The following NUP93 variants were observed in gnomAD, a reference collection of about 807,000 sequenced individuals.
The protein encoded by NUP93 is nucleoporin 93.
In NUP93, 55 loss-of-function variants were observed where a neutral mutation model predicts 107.8. The ratio of observed to expected loss-of-function variants is 0.51; its 90% CI spans 0.41 to 0.64. The LOEUF (loss-of-function observed/expected upper bound fraction) is 0.64, where lower values mean the gene tolerates loss of function less well. Among genes scored for constraint, NUP93 ranks in the 30% least tolerant of loss-of-function variants. The probability of loss-of-function intolerance (pLI) is 0.00; values close to 1 mark genes in which losing one functional copy is unlikely to be tolerated. For synonymous variants in NUP93, 390 were observed against 397.5 expected, an observed-to-expected ratio of 0.98 and a Z score of 0.22; for missense variants, 937 against 1,044.7, an observed-to-expected ratio of 0.90 and a Z score of 1.42.
At chr16:56,818,417 T>C (rs554324594) in intron 5 of NUP93, among the ~76,000 whole-genome samples, 19 of 152,316 alleles carry the variant, frequency 1.2e-4, no homozygotes, top group African/African-American at 4.6e-4. Flanking sequence ...GAGGTATTGA[T>C]AGGGTTTATG....
intron 10 of NUP93, 80 bp downstream of exon 10, chr16:56,830,765 C>T (rs1338035223): frequency 3.8e-6 from 5 of 1,312,740 alleles, no homozygotes; most frequent in Non-Finnish European, 5.0e-6. Flanking sequence ...ATTCTCTTTT[C>T]CCTGGACGGG....
At chr16:56,808,230 A>T (rs1388289521) in intron 5 of NUP93, among the ~76,000 whole-genome samples, 157 of 59,264 alleles carry the variant, frequency 2.6e-3, no homozygotes, top group African/African-American at 9.2e-3. Flanking sequence ...ACTATATAAA[A>T]TATATAGTTA....
chr16:56,818,384 G>A (rs1963476218), intron 5 of NUP93, among the ~76,000 whole-genome samples: 1 of 152,208 alleles, frequency 6.6e-6, no homozygotes, highest in African/African-American at 2.4e-5. Context: ...TTGGAAAGAT[G>A]TACATTTCCA....
At chr16:56,746,522 C>T (rs1961822972) in intron 1 of NUP93, among the ~76,000 whole-genome samples, 1 of 152,222 alleles carries the variant, frequency 6.6e-6, no homozygotes, top group Non-Finnish European at 1.5e-5. Context: ...CAGCTTGGAA[C>T]TTCATAAAGA....
chr16:56,766,611 C>T (rs1486373140), intron 3 of NUP93, among the ~76,000 whole-genome samples: 1 of 152,218 alleles, frequency 6.6e-6, no homozygotes, highest in Admixed American at 6.5e-5. Flanking sequence ...TCTCAGATGG[C>T]AGCCCTTTAC....
intron 3 of NUP93, among the ~76,000 whole-genome samples, chr16:56,783,031 T>G (rs1054763001): frequency 1.3e-5 from 2 of 152,340 alleles, no homozygotes; most frequent in Admixed American, 1.3e-4. Context: ...GGTGATAGAA[T>G]TATAAATCTT....
At chr16:56,818,793 G>A (rs181270920) in intron 6 of NUP93, 55 bp downstream of exon 6, 433 of 1,435,772 alleles carry the variant, frequency 3.0e-4, no homozygotes, top group Admixed American at 1.7e-3. Flanking sequence ...GAACCTCTAG[G>A]GAGTAAAAGG....
intron 5 of NUP93, among the ~76,000 whole-genome samples, chr16:56,811,761 G>C (rs1963320590): frequency 6.6e-6 from 1 of 152,184 alleles, no homozygotes; most frequent in African/African-American, 2.4e-5. Context: ...GTGAGCCACT[G>C]CGTCTGGCCA....
intron 3 of NUP93, among the ~76,000 whole-genome samples, chr16:56,772,651 A>G (rs1320058859): frequency 6.6e-6 from 1 of 152,162 alleles, no homozygotes; most frequent in African/African-American, 2.4e-5. Context: ...CCACTGCCCT[A>G]CATACTCTCC....
chr16:56,823,825 C>CCTTGG lies in NUP93; in HGVS notation c.775_779dup (p.Tyr261TrpfsTer14). The CCTTGG allele has an allele frequency of 6.2e-7, 1 of 1,613,986 alleles. No homozygotes were observed. Among genetic ancestry groups the CCTTGG allele is most frequent in the Non-Finnish European group, 8.5e-7 (1 of 1,180,006 alleles). On this transcript the variant is annotated frameshift_variant, in exon 8 of 22. Coordinates refer to ENST00000308159, the MANE Select transcript of NUP93 (RefSeq NM_014669.5). LOFTEE classifies it high-confidence loss of function. The stretch of plus-strand genomic sequence containing the variant: ...GTGCGCATGGAGTTTGTCAGGCAGG[C>CCTTGG]CTTGGCGTACCTTGAGCAGAGGTAA...
At chr16:56,753,894 G>A (rs992008944) in intron 2 of NUP93, among the ~76,000 whole-genome samples, 1 of 152,106 alleles carries the variant, frequency 6.6e-6, no homozygotes, top group African/African-American at 2.4e-5. Context: ...AATAGGTAGG[G>A]ATGTAGATGA....
intron 7 of NUP93, among the ~76,000 whole-genome samples, 155 bp downstream of exon 7, chr16:56,821,748 G>T (rs1368551620): frequency 6.6e-6 from 1 of 152,018 alleles, no homozygotes; most frequent in Non-Finnish European, 1.5e-5. Flanking sequence ...AACTTTGGGT[G>T]GTTTTCTTGA....
intron 5 of NUP93, among the ~76,000 whole-genome samples, chr16:56,805,988 G>A (rs781696943): frequency 1.2e-4 from 18 of 150,750 alleles, no homozygotes; most frequent in African/African-American, 2.4e-5. Flanking sequence ...TCAGATTTAC[G>A]CCTGCAGCCT....
At chr16:56,839,106 T>C (rs758572431) in intron 19 of NUP93, 37 bp downstream of exon 19, 3 of 1,409,266 alleles carry the variant, frequency 2.1e-6, no homozygotes, top group African/African-American at 1.4e-5. Flanking sequence ...TGCAGGTTAA[T>C]GTACACCCTC....
chr16:56,838,811 C>G, intron 18 of NUP93, 141 bp from the exon 19 acceptor site: 1 of 668,944 alleles, frequency 1.5e-6, no homozygotes, highest in Non-Finnish European at 2.7e-6. Context: ...GCAATCCTTC[C>G]GCCCCAGCCT....
chr16:56,795,765 G>A (rs576079378), intron 3 of NUP93, among the ~76,000 whole-genome samples: 1 of 152,100 alleles, frequency 6.6e-6, no homozygotes, highest in African/African-American at 2.4e-5. Context: ...TCCTGCCTTA[G>A]CCTCCCGAGT....
chr16:56,815,344 G>C (rs552105076), intron 5 of NUP93, among the ~76,000 whole-genome samples: 1 of 152,254 alleles, frequency 6.6e-6, no homozygotes, highest in Non-Finnish European at 1.5e-5. Flanking sequence ...TAGAAAGGTG[G>C]CTGTCTTAGA....
intron 3 of NUP93, among the ~76,000 whole-genome samples, chr16:56,776,577 A>G (rs1327534283): frequency 2.6e-5 from 4 of 152,248 alleles, no homozygotes; most frequent in African/African-American, 7.2e-5. Flanking sequence ...AAAGAATTCT[A>G]TTTACAATCA....
intron 5 of NUP93, among the ~76,000 whole-genome samples, chr16:56,817,574 A>G (rs1284032187): frequency 6.6e-6 from 1 of 152,230 alleles, no homozygotes; most frequent in Non-Finnish European, 1.5e-5. Flanking sequence ...TGGGAACTTA[A>G]GAATTTACCT....
Sources: allele counts gnomAD v4.1 joint callset (sites outside exome capture counted in the v4.1 genomes callset), GRCh38; gene constraint gnomAD v4.1.1; transcripts MANE v1.5; gene names NCBI Gene and HGNC (gene_info 2026-07-23, HGNC 2026-07-21).